TASOR: variants seen among roughly 807,000 people sequenced by gnomAD.
TASOR encodes the protein protein TASOR.
Under a neutral mutation model 178.6 loss-of-function variants are expected in TASOR, and 53 were observed. The observed-to-expected ratio is 0.30, with a 90% CI of 0.24 to 0.37. The LOEUF (loss-of-function observed/expected upper bound fraction) is 0.37, where lower values mean the gene tolerates loss of function less well. Ranked by LOEUF, TASOR falls within the 10% of genes least tolerant of loss-of-function variation. The probability of loss-of-function intolerance (pLI) is 1.00; values close to 1 mark genes in which losing one functional copy is unlikely to be tolerated. For missense variants in TASOR, 1,815 were observed against 1,971.4 expected (o/e 0.92, Z 1.50); for synonymous variants, 713 against 696.2 (o/e 1.02, Z -0.38).
intron 6 of TASOR, among the ~76,000 whole-genome samples, chr3:56,667,949 G>C (rs758832373): frequency 6.6e-6 from 1 of 152,102 alleles, no homozygotes; most frequent in Non-Finnish European, 1.5e-5. Flanking sequence ...TGTTAATAAA[G>C]ATAGAAAATA....
At position 56,621,699 on chromosome 3, in the gene TASOR, A is replaced by AAAT. The variant is rs2076658757; in HGVS notation, c.*1335_*1337dup. ...GCTCACTGGCTCAACTGTATTTTTC[A>AAAT]AATAGCCTAGATTTACTTATTTTTT... is the stretch of plus-strand genomic sequence containing the variant. On this transcript the variant is annotated 3_prime_UTR_variant, in exon 24 of 24. Coordinates refer to ENST00000683822, the MANE Select transcript of TASOR (RefSeq NM_001365635.2). 2.1e-6 allele frequency: 2 copies of AAAT among 943,476 alleles called. No individual in the cohort carries two copies. The highest frequency in any genetic ancestry group is 3.2e-5 in the South Asian group (2 of 61,590). The allele number at this position is 943,476 out of a possible 1,614,324, so 58.4% of individuals were successfully genotyped here.
intron 3 of TASOR, among the ~76,000 whole-genome samples, chr3:56,670,386 T>C (rs1023347366): frequency 6.6e-6 from 1 of 152,168 alleles, no homozygotes; most frequent in African/African-American, 2.4e-5. Context: ...AGATAGGGTC[T>C]CCCTCTGCCC....
intron 14 of TASOR, among the ~76,000 whole-genome samples, chr3:56,642,531 AAAAT>A (rs1233382306): frequency 1.3e-5 from 2 of 152,236 alleles, no homozygotes; most frequent in Non-Finnish European, 2.9e-5. Flanking sequence ...TACCACAACA[AAAAT>A]AAATGTCAGA....
At chr3:56,640,341 A>C (rs2077096253) in intron 15 of TASOR, among the ~76,000 whole-genome samples, 1 of 152,202 alleles carries the variant, frequency 6.6e-6, no homozygotes, top group Admixed American at 6.5e-5. Context: ...GGATTGGTAA[A>C]CGTTTGTGCT....
chr3:56,675,737 G>A (rs541767634), intron 1 of TASOR, among the ~76,000 whole-genome samples: 42 of 152,254 alleles, frequency 2.8e-4, no homozygotes, highest in African/African-American at 1.0e-3. Flanking sequence ...GAATGTAACA[G>A]TCAAAACAGG....
In TASOR at chr3:56,638,715, G is replaced by T; in HGVS notation, c.2815C>A (p.Gln939Lys). 3 of 1,614,104 alleles carry T rather than the reference G, an allele frequency of 1.9e-6. No individual in the cohort carries two copies. The highest frequency in any genetic ancestry group is 2.5e-6 in the Non-Finnish European group (3 of 1,179,990). Residue 939 changes from glutamine (Q) to lysine (K), a missense_variant, in exon 17 of 24, where the codon CAA becomes AAA. Gln to Lys is a moderately conservative substitution (Grantham distance 53, BLOSUM62 1). Coordinates refer to ENST00000683822, the MANE Select transcript of TASOR (RefSeq NM_001365635.2). ...AAGCAAGCCTTCTCACCTGGTGTTT[G>T]TTTCTCACCATGTTTCCCCAGCTGG... ...EDQLGKHGEK[Q>K]TPGMKSPEEQ...
At chr3:56,647,625 A>G (rs9311609) in intron 13 of TASOR, among the ~76,000 whole-genome samples, 28,175 of 152,160 alleles carry the variant, frequency 0.19, 3,444 homozygotes, top group South Asian at 0.41. Flanking sequence ...CTTATAAAGT[A>G]GTAACTAACT....
intron 16 of TASOR, 118 bp downstream of exon 16, chr3:56,639,868 C>A (rs2077087787): frequency 2.5e-6 from 2 of 790,840 alleles, no homozygotes; most frequent in Non-Finnish European, 4.0e-6. Context: ...GATGTCAGCA[C>A]CAATTAAGAT....
At position 56,627,194 on chromosome 3, in the gene TASOR, A is replaced by G. The variant is rs115891157; in HGVS notation, c.4031-49T>C. ...TTTTAATTCAATAAATAATCATTCC[A>G]TAAGTGAATTATGAAAGAAGTGTTT... On this transcript the variant is annotated intron_variant, in intron 20 of 23. Coordinates refer to ENST00000683822, the MANE Select transcript of TASOR (RefSeq NM_001365635.2). 2,233 of 1,076,964 alleles carry G rather than the reference A, an allele frequency of 2.1e-3. 26 individuals are homozygous for G. The African/African-American group carries it at 0.028, about 13-fold the overall frequency. The allele number at this position is 1,076,964 out of a possible 1,614,324, so 66.7% of individuals were successfully genotyped here. A position where few individuals can be genotyped will look rare whatever the true frequency, so the allele number is the denominator to read the frequency against.
chr3:56,623,748 ATAATCCGATGC>A, intron 23 of TASOR, 182 bp from the exon 24 acceptor site: 1 of 1,550,040 alleles, frequency 6.5e-7, no homozygotes, highest in Admixed American at 2.0e-5. Context: ...GAATGTCCAG[ATAATCCGATGC>A]TAAAAGCTTC....
chr3:56,666,447 C>T, intron 6 of TASOR, 63 bp from the exon 7 acceptor site: 3 of 1,268,100 alleles, frequency 2.4e-6, no homozygotes, highest in Non-Finnish European at 2.1e-6. Context: ...TTATATTTAA[C>T]TGCCTGATTT....
At chr3:56,625,690 C>CTTTT (rs879938687) in intron 21 of TASOR, among the ~76,000 whole-genome samples, 1 of 146,664 alleles carries the variant, frequency 6.8e-6, no homozygotes, top group Non-Finnish European at 1.5e-5. Flanking sequence ...TAAGCTATTT[C>CTTTT]TTTTTTTTTT....
intron 14 of TASOR, among the ~76,000 whole-genome samples, chr3:56,642,122 T>C (rs555230570): frequency 6.6e-6 from 1 of 152,370 alleles, no homozygotes; most frequent in East Asian, 1.9e-4. Context: ...ATTATATGTG[T>C]ATTACACTAG....
intron 13 of TASOR, 59 bp downstream of exon 13, chr3:56,648,763 A>T: frequency 7.8e-7 from 1 of 1,278,816 alleles, no homozygotes; most frequent in South Asian, 1.4e-5. Context: ...TATCTGGAAA[A>T]TTTCAATGAA....
intron 1 of TASOR, among the ~76,000 whole-genome samples, chr3:56,679,571 G>C (rs1024140227): frequency 6.6e-6 from 1 of 152,200 alleles, no homozygotes; most frequent in African/African-American, 2.4e-5. Flanking sequence ...GAGGTTAGGA[G>C]AATTAGCCAT....
rs1296696830 is a variant in TASOR at position 56,623,130 on chromosome 3, A to T, written c.4920T>A (p.Ser1640=). The change falls in exon 24 of 24, where the codon TCT becomes TCA. Residue 1640 remains serine (S), a synonymous_variant. Transcript: ENST00000683822. Reference sequence around the variant, plus strand: ...CTCTATCCAAGCTTTCAGTATAAGCAGATAAGAAGTAATTCTCATTTTCTT... The same window carrying T: ...CTCTATCCAAGCTTTCAGTATAAGCTGATAAGAAGTAATTCTCATTTTCTT... ...QSQENENYFL[S]AYTESLDRDK... 6.2e-7 allele frequency: 1 copy of T among 1,613,744 alleles called. No individual in the cohort carries two copies. The highest frequency in any genetic ancestry group is 1.1e-5 in the South Asian group (1 of 91,040).
At chr3:56,682,252 G>T (rs1039895424) in intron 1 of TASOR, among the ~76,000 whole-genome samples, 47 of 152,184 alleles carry the variant, frequency 3.1e-4, no homozygotes, top group Non-Finnish European at 1.9e-4. Flanking sequence ...AGCACTCATG[G>T]TCCTCAGAAC....
intron 15 of TASOR, among the ~76,000 whole-genome samples, chr3:56,641,088 T>C (rs1324298542): frequency 1.5e-5 from 2 of 134,736 alleles, no homozygotes; most frequent in African/African-American, 6.2e-5. Context: ...CAAATATTAA[T>C]AGATTGTTCC....
At chr3:56,673,449 A>C (rs2030950376) in intron 2 of TASOR, 131 bp downstream of exon 2, 1 of 668,448 alleles carries the variant, frequency 1.5e-6, no homozygotes, top group Non-Finnish European at 2.3e-6. Context: ...AAAAAAAAAA[A>C]AAAAAAAAAC....
Sources: gnomAD v4.1 joint callset for allele counts (sites outside exome capture counted in the v4.1 genomes callset) on GRCh38, gnomAD v4.1.1 for gene constraint, MANE v1.5 for transcripts, NCBI Gene and HGNC (gene_info 2026-07-23, HGNC 2026-07-21) for gene names.